ADAM32: variants seen among roughly 807,000 people sequenced by gnomAD.
The protein encoded by ADAM32 is disintegrin and metalloproteinase domain-containing protein 32.
Under a neutral mutation model 114.9 loss-of-function variants are expected in ADAM32, and 89 were observed. The ratio of observed to expected loss-of-function variants is 0.77; its 90% confidence interval spans 0.65 to 0.92. ADAM32 has a LOEUF of 0.92. Ranked by LOEUF, ADAM32 falls within the 40% of genes least tolerant of loss-of-function variation. ADAM32 has a pLI of 0.00. For synonymous variants in ADAM32, 285 were observed against 307.5 expected, an observed-to-expected ratio of 0.93 and a Z score of 0.77; for missense variants, 870 against 932.8, an observed-to-expected ratio of 0.93 and a Z score of 0.88.
intron 17 of ADAM32, among the ~76,000 whole-genome samples, chr8:39,252,492 A>G (rs1016878686): frequency 6.6e-6 from 1 of 151,540 alleles, no homozygotes; most frequent in Non-Finnish European, 1.5e-5. Context: ...AAGAATAAAG[A>G]TTTCAAATAA....
intron 9 of ADAM32, 173 bp downstream of exon 9, chr8:39,165,369 C>T: frequency 3.9e-6 from 2 of 514,114 alleles, no homozygotes; most frequent in Non-Finnish European, 3.2e-6. Flanking sequence ...AAAAACTTTA[C>T]TAACATTTAT....
chr8:39,224,815 C>G (rs1011722652), intron 14 of ADAM32, among the ~76,000 whole-genome samples: 2 of 152,122 alleles, frequency 1.3e-5, no homozygotes, highest in African/African-American at 4.8e-5. Context: ...GGATAATAGT[C>G]TTGTGAAGGC....
At chr8:39,233,399 G>A in intron 15 of ADAM32, among the ~76,000 whole-genome samples, 1 of 152,158 alleles carries the variant, frequency 6.6e-6, no homozygotes, top group South Asian at 2.1e-4. Flanking sequence ...TTTGTAAACT[G>A]TCATGGTGCT....
intron 8 of ADAM32, 92 bp from the exon 9 acceptor site, chr8:39,164,938 T>C: frequency 6.7e-7 from 1 of 1,493,598 alleles, no homozygotes. Flanking sequence ...CCATATAAAC[T>C]GAGTGTGGGA....
intron 14 of ADAM32, among the ~76,000 whole-genome samples, chr8:39,230,093 C>T (rs1263867583): frequency 6.6e-6 from 1 of 152,114 alleles, no homozygotes; most frequent in Non-Finnish European, 1.5e-5. Flanking sequence ...TAATGCACGT[C>T]AAAGCATTTG....
chr8:39,112,431 T>C (rs1481249424), intron 1 of ADAM32, among the ~76,000 whole-genome samples: 1 of 152,212 alleles, frequency 6.6e-6, no homozygotes, highest in Non-Finnish European at 1.5e-5. Context: ...GCTTCTGCAT[T>C]TTGTTTTCCG....
At chr8:39,210,193 G>A (rs1277538477) in intron 11 of ADAM32, among the ~76,000 whole-genome samples, 3 of 152,144 alleles carry the variant, frequency 2.0e-5, no homozygotes, top group African/African-American at 7.2e-5. Flanking sequence ...GTGTTTTACG[G>A]TAGTGGGGCT....
intron 2 of ADAM32, chr8:39,129,926 T>C (rs1015067798): frequency 7.5e-6 from 3 of 401,698 alleles, no homozygotes; most frequent in African/African-American, 6.4e-5. Flanking sequence ...TTATCCAATA[T>C]GTTGGCATAA....
At chr8:39,282,267 A>G (rs911556578) in intron 23 of ADAM32, among the ~76,000 whole-genome samples, 2 of 152,172 alleles carry the variant, frequency 1.3e-5, no homozygotes, top group African/African-American at 2.4e-5. Context: ...TATAGGTAGC[A>G]TCTTGCAGGG....
At chr8:39,113,364 C>A (rs1045150639) in intron 1 of ADAM32, among the ~76,000 whole-genome samples, 1 of 138,434 alleles carries the variant, frequency 7.2e-6, no homozygotes, top group Non-Finnish European at 1.5e-5. Context: ...CCATCTATAT[C>A]TTGAACTTGC....
At chr8:39,170,204 TA>T (rs776297634) in intron 10 of ADAM32, among the ~76,000 whole-genome samples, 45 of 152,132 alleles carry the variant, frequency 3.0e-4, no homozygotes, top group Non-Finnish European at 5.6e-4. Context: ...AGAGTTGGAA[TA>T]AAAATATCAT....
chr8:39,255,136 G>A (rs950556814), intron 18 of ADAM32, among the ~76,000 whole-genome samples: 2 of 151,786 alleles, frequency 1.3e-5, no homozygotes, highest in African/African-American at 4.8e-5. Flanking sequence ...TGGGCATTTG[G>A]GCTGGTTCCA....
At position 39,268,856 on chromosome 8, in the gene ADAM32, A is replaced by G. The variant is rs148421304; in HGVS notation, c.2163-2020A>G. The stretch of plus-strand genomic sequence containing the variant: ...TTAAACTTTGTTAAGTAGGATCAGA[A>G]TAGTCACCCATAAAAAGACAGTACC... On this transcript the variant is annotated intron_variant, in intron 19 of 24. Transcript: ENST00000379907. Among the ~76,000 whole-genome samples, 278 of 152,350 alleles carry G rather than the reference A, an allele frequency of 1.8e-3. 1 individual carries two copies. The highest frequency in any genetic ancestry group is 6.5e-3 in the African/African-American group (269 of 41,582).
At chr8:39,160,314 G>A (rs141172446) in intron 6 of ADAM32, among the ~76,000 whole-genome samples, 2 of 152,296 alleles carry the variant, frequency 1.3e-5, no homozygotes, top group East Asian at 3.9e-4. Flanking sequence ...GCCAAGGCGG[G>A]CGGATCGCGA....
chr8:39,131,475 A>T (rs1802450839), intron 2 of ADAM32, among the ~76,000 whole-genome samples: 1 of 152,174 alleles, frequency 6.6e-6, no homozygotes, highest in African/African-American at 2.4e-5. Flanking sequence ...TGGGTGACAG[A>T]ATGAGACTGT....
intron 17 of ADAM32, among the ~76,000 whole-genome samples, chr8:39,251,286 C>T (rs1221873171): frequency 6.6e-6 from 1 of 151,732 alleles, no homozygotes; most frequent in African/African-American, 2.4e-5. Flanking sequence ...TTTACATTCC[C>T]ACCTATAGTG....
intron 14 of ADAM32, among the ~76,000 whole-genome samples, chr8:39,227,081 A>C (rs1284885819): frequency 1.3e-5 from 2 of 152,112 alleles, no homozygotes; most frequent in African/African-American, 4.8e-5. Flanking sequence ...TTAGCTCCAA[A>C]TCAACTGCAA....
intron 20 of ADAM32, among the ~76,000 whole-genome samples, chr8:39,273,379 T>G (rs1233765124): frequency 6.6e-6 from 1 of 150,996 alleles, no homozygotes; most frequent in African/African-American, 2.5e-5. Flanking sequence ...TAAATAAAAT[T>G]AGCCAGGCGT....
intron 2 of ADAM32, among the ~76,000 whole-genome samples, chr8:39,121,699 G>A (rs1840598043): frequency 6.6e-6 from 1 of 152,210 alleles, no homozygotes; most frequent in Admixed American, 6.5e-5. Context: ...CATTCTCTTT[G>A]GTTTCAGAGA....
Sources: gnomAD v4.1 joint callset for allele counts (sites outside exome capture counted in the v4.1 genomes callset) on GRCh38, gnomAD v4.1.1 for gene constraint, MANE v1.5 for transcripts, NCBI Gene and HGNC (gene_info 2026-07-23, HGNC 2026-07-21) for gene names.